WDPCP: variants seen among roughly 807,000 people sequenced by gnomAD.
WDPCP encodes the protein WD repeat containing planar cell polarity effector, also known as WD repeat-containing and planar cell polarity effector protein fritz homolog.
A neutral mutation model predicts 93.1 loss-of-function variants in WDPCP; 71 were observed. The observed-to-expected ratio is 0.76, with a 90% CI of 0.63 to 0.93. The LOEUF (loss-of-function observed/expected upper bound fraction) is 0.93. Ranked by LOEUF, WDPCP falls within the 40% of genes least tolerant of loss-of-function variation. The pLI, the probability that WDPCP is intolerant of heterozygous loss-of-function variation, is 0.00. For missense variants in WDPCP, 844 were observed against 887.4 expected (o/e 0.95, Z 0.62); for synonymous variants, 315 against 315.0 (o/e 1.00, Z 0.00).
intron 1 of WDPCP, among the ~76,000 whole-genome samples, chr2:63,497,193 T>C (rs1701281256): frequency 6.7e-6 from 1 of 149,912 alleles, no homozygotes; most frequent in Non-Finnish European, 1.5e-5. Context: ...ATGGTGAATG[T>C]GGTGGTATAC....
chr2:63,510,389 C>G (rs931681896), intron 1 of WDPCP, among the ~76,000 whole-genome samples: 1 of 152,086 alleles, frequency 6.6e-6, no homozygotes, highest in Non-Finnish European at 1.5e-5. Context: ...CACTCCTCCA[C>G]GCTAAGAACA....
At chr2:63,605,763 G>T (rs373124813) in intron 3 of WDPCP, 13 of 627,262 alleles carry the variant, frequency 2.1e-5, no homozygotes, top group South Asian at 1.9e-4. Flanking sequence ...AGCGTGGAAT[G>T]AAATAATATC....
At chr2:63,428,706 A>G (rs920938871) in intron 9 of WDPCP, among the ~76,000 whole-genome samples, 11 of 152,186 alleles carry the variant, frequency 7.2e-5, no homozygotes, top group Non-Finnish European at 1.5e-4. Flanking sequence ...CCTGTTCAAT[A>G]TAGTACTGGA....
At chr2:63,801,509 G>A (rs535595598) in intron 2 of WDPCP, among the ~76,000 whole-genome samples, 15 of 152,326 alleles carry the variant, frequency 9.8e-5, no homozygotes, top group African/African-American at 3.1e-4. Flanking sequence ...GGTTCCTGCT[G>A]TTGGCTGGGG....
intron 2 of WDPCP, among the ~76,000 whole-genome samples, chr2:63,684,919 TAAAAC>T (rs894613043): frequency 5.9e-5 from 9 of 152,034 alleles, no homozygotes; most frequent in Non-Finnish European, 1.2e-4. Flanking sequence ...AAAAATGTCT[TAAAAC>T]AAGTGAAAAT....
At chr2:63,193,858 G>A (rs1176596850) in intron 14 of WDPCP, among the ~76,000 whole-genome samples, 1 of 152,124 alleles carries the variant, frequency 6.6e-6, no homozygotes, top group Non-Finnish European at 1.5e-5. Flanking sequence ...AAGTTTATAT[G>A]TACGTGAAGG....
intron 1 of WDPCP, among the ~76,000 whole-genome samples, chr2:63,581,799 G>C (rs1708512775): frequency 6.6e-6 from 1 of 152,040 alleles, no homozygotes; most frequent in African/African-American, 2.4e-5. Context: ...TTGAGTCCTA[G>C]AGTTTGAGAC....
chr2:63,297,712 A>C (rs1684977172), intron 13 of WDPCP, among the ~76,000 whole-genome samples: 1 of 152,196 alleles, frequency 6.6e-6, no homozygotes, highest in Non-Finnish European at 1.5e-5. Context: ...ACACTATAGA[A>C]TATAATGCAC....
chr2:63,840,605 T>A, the WDPCP span, among the ~76,000 whole-genome samples: 83 of 152,324 alleles, frequency 5.4e-4, no homozygotes, highest in Admixed American at 4.6e-4. Context: ...AAGCGTCCCC[T>A]GAGAAGCGTC....
At chr2:63,621,531 G>A (rs1037075690) in intron 3 of WDPCP, among the ~76,000 whole-genome samples, 1 of 152,108 alleles carries the variant, frequency 6.6e-6, no homozygotes, top group Non-Finnish European at 1.5e-5. Flanking sequence ...TATGTAAAAT[G>A]ACTAAACTTA....
rs528206642 is a variant in WDPCP at position 63,721,902 on chromosome 2, A to T, written n.309-71064T>A. On this transcript the variant is annotated intron_variant and non_coding_transcript_variant, in intron 2 of 4. Coordinates refer to the WDPCP transcript ENST00000467687. ...TTGCAGGCTCGCGCCGCCACGCCTGACTGGTTTTGGTGGAGATGGGGTTTC... is the reference window on the plus strand; with the variant it reads ...TTGCAGGCTCGCGCCGCCACGCCTGTCTGGTTTTGGTGGAGATGGGGTTTC... Among the ~76,000 whole-genome samples, 606 of 152,114 alleles carry T rather than the reference A, an allele frequency of 4.0e-3. 16 individuals carry two copies. Among genetic ancestry groups the T allele is most frequent in the Admixed American group, 0.037 (567 of 15,276 alleles).
At chr2:63,799,316 T>C (rs917026571) in intron 2 of WDPCP, among the ~76,000 whole-genome samples, 3 of 152,150 alleles carry the variant, frequency 2.0e-5, no homozygotes, top group Non-Finnish European at 4.4e-5. Context: ...TAGAAGATAA[T>C]TGGTATTCTA....
chr2:63,804,820 G>C (rs1302246639), intron 2 of WDPCP, among the ~76,000 whole-genome samples: 1 of 151,764 alleles, frequency 6.6e-6, no homozygotes, highest in Non-Finnish European at 1.5e-5. Context: ...ACAAGGTTAA[G>C]AGCTCGAGAC....
At chr2:63,148,362 CAG>C (rs1222589259) in intron 17 of WDPCP, among the ~76,000 whole-genome samples, 5 of 152,080 alleles carry the variant, frequency 3.3e-5, no homozygotes, top group African/African-American at 1.2e-4. Flanking sequence ...CCTTTTGAGA[CAG>C]AGTCTCATTC....
chr2:63,738,463 C>T (rs891482806), intron 2 of WDPCP, among the ~76,000 whole-genome samples: 2 of 151,438 alleles, frequency 1.3e-5, no homozygotes, highest in African/African-American at 4.8e-5. Flanking sequence ...GATATCAGCC[C>T]AATCCAGAAG....
intron 2 of WDPCP, among the ~76,000 whole-genome samples, chr2:63,677,672 A>G (rs1352445802): frequency 6.6e-6 from 1 of 152,194 alleles, no homozygotes; most frequent in African/African-American, 2.4e-5. Context: ...AAATGCTAAA[A>G]GAAAATTACT....
At chr2:63,622,541 G>A (rs1709755553) in intron 3 of WDPCP, 3 of 1,613,816 alleles carry the variant, frequency 1.9e-6, no homozygotes, top group Non-Finnish European at 8.5e-7. Flanking sequence ...TGATGTTCCA[G>A]GTGAAGGTAG....
At chr2:63,723,872 C>A (rs1398388086) in intron 2 of WDPCP, among the ~76,000 whole-genome samples, 1 of 152,142 alleles carries the variant, frequency 6.6e-6, no homozygotes, top group Non-Finnish European at 1.5e-5. Context: ...ACATTGACTT[C>A]TGATAAATTT....
intron 1 of WDPCP, among the ~76,000 whole-genome samples, chr2:63,584,538 C>T (rs542374182): frequency 6.6e-6 from 1 of 151,468 alleles, no homozygotes; most frequent in Admixed American, 6.6e-5. Context: ...TTCAATGAAT[C>T]CATGTTGGTG....
Sources: gnomAD v4.1 joint callset for allele counts (sites outside exome capture counted in the v4.1 genomes callset) on GRCh38, gnomAD v4.1.1 for gene constraint, MANE v1.5 for transcripts, NCBI Gene and HGNC (gene_info 2026-07-23, HGNC 2026-07-21) for gene names.